Variants in PHACTR1 observed in about 807,000 individuals in gnomAD.
PHACTR1 encodes the protein phosphatase and actin regulator 1, also known as RPEL repeat containing 1.
In PHACTR1, 16 loss-of-function variants were observed where a neutral mutation model predicts 69.2. That is an observed-to-expected ratio of 0.23 (90% CI 0.16 to 0.35). The LOEUF (loss-of-function observed/expected upper bound fraction) is 0.35, where lower values mean the gene tolerates loss of function less well. Among genes scored for constraint, PHACTR1 ranks in the 10% least tolerant of loss-of-function variants. The pLI, the probability that PHACTR1 is intolerant of heterozygous loss-of-function variation, is 1.00. For synonymous variants in PHACTR1, 312 were observed against 284.5 expected, an observed-to-expected ratio of 1.10 and a Z score of -0.97; for missense variants, 510 against 734.7, an observed-to-expected ratio of 0.69 and a Z score of 3.54.
At chr6:12,995,684 A>C (rs1797344877) in intron 4 of PHACTR1, among the ~76,000 whole-genome samples, 1 of 152,034 alleles carries the variant, frequency 6.6e-6, no homozygotes, top group Admixed American at 6.6e-5. Flanking sequence ...TAATAATGAT[A>C]AAGGGAATAT....
chr6:12,976,656 C>A (rs987784294), intron 4 of PHACTR1, among the ~76,000 whole-genome samples: 3 of 152,104 alleles, frequency 2.0e-5, no homozygotes, highest in African/African-American at 7.2e-5. Flanking sequence ...AATTTCACTC[C>A]GTTCTGATAT....
chr6:13,092,696 A>G (rs547794359), intron 5 of PHACTR1, among the ~76,000 whole-genome samples: 17 of 152,310 alleles, frequency 1.1e-4, no homozygotes, highest in African/African-American at 4.1e-4. Flanking sequence ...GTGATGGGAG[A>G]CAGTGAGGAA....
At chr6:13,052,402 G>A (rs1019451307) in intron 4 of PHACTR1, among the ~76,000 whole-genome samples, 1 of 152,272 alleles carries the variant, frequency 6.6e-6, no homozygotes, top group Middle Eastern at 3.4e-3. Flanking sequence ...AAGTGGTTTG[G>A]GATTTGCCAT....
At chr6:12,826,376 C>A (rs752715349) in intron 4 of PHACTR1, among the ~76,000 whole-genome samples, 1 of 152,100 alleles carries the variant, frequency 6.6e-6, no homozygotes, top group Non-Finnish European at 1.5e-5. Context: ...TTTTTAGATG[C>A]GGTTACATAA....
At chr6:12,858,809 C>CAT (rs1345967770) in intron 4 of PHACTR1, among the ~76,000 whole-genome samples, 2 of 24,762 alleles carry the variant, frequency 8.1e-5, no homozygotes, top group Non-Finnish European at 2.5e-4. Context: ...CACATACATA[C>CAT]ACACACACAC....
intron 4 of PHACTR1, among the ~76,000 whole-genome samples, chr6:12,888,237 C>A (rs538453646): frequency 2.6e-5 from 4 of 152,186 alleles, no homozygotes; most frequent in Admixed American, 2.6e-4. Flanking sequence ...AGCGTTCATT[C>A]ATCCCCTTTT....
In PHACTR1 at chr6:13,206,116, G is replaced by A; in HGVS notation, c.966G>A (p.Met322Ile). 1 of 1,602,572 alleles carries A rather than the reference G, an allele frequency of 6.2e-7. No individual in the cohort carries two copies. Among genetic ancestry groups the A allele is most frequent in the Non-Finnish European group, 8.5e-7 (1 of 1,173,132 alleles). The stretch of plus-strand genomic sequence containing the variant: ...ACGAGCTCAACAAAACGCTGGCCAT[G>A]ACCATGCAGAGGCTGGAAAGGTAAA... ...MIDELNKTLA[M>I]TMQRLESSEQ... The change falls in exon 8 of 15, where the codon ATG (methionine) becomes ATA (isoleucine). Residue 322 changes from methionine (M) to isoleucine (I), a missense_variant. This residue lies in a region of PHACTR1 where 419 missense variants were observed against 530.9 expected (regional missense o/e 0.79). Transcript: ENST00000332995.
At chr6:13,035,160 C>T (rs1451425117) in intron 4 of PHACTR1, among the ~76,000 whole-genome samples, 1 of 152,086 alleles carries the variant, frequency 6.6e-6, no homozygotes, top group East Asian at 1.9e-4. Context: ...TTTTATATTC[C>T]CTAGACAAAA....
intron 4 of PHACTR1, among the ~76,000 whole-genome samples, chr6:12,916,439 T>C (rs1341472458): frequency 6.6e-6 from 1 of 152,202 alleles, no homozygotes. Context: ...CTAGTTATTT[T>C]TCTCTCTCTG....
At chr6:13,032,661 G>A (rs931318351) in intron 4 of PHACTR1, among the ~76,000 whole-genome samples, 1 of 151,918 alleles carries the variant, frequency 6.6e-6, no homozygotes, top group African/African-American at 2.4e-5. Flanking sequence ...TCTGTTGCCA[G>A]GCTGGAATGC....
chr6:12,992,624 T>G (rs1448161242), intron 4 of PHACTR1, among the ~76,000 whole-genome samples: 1 of 152,212 alleles, frequency 6.6e-6, no homozygotes, highest in Non-Finnish European at 1.5e-5. Context: ...TACCAAATAT[T>G]GAAGCGGTGC....
chr6:12,763,001 G>T (rs780245782), intron 4 of PHACTR1, among the ~76,000 whole-genome samples: 3 of 152,120 alleles, frequency 2.0e-5, no homozygotes, highest in Non-Finnish European at 2.9e-5. Context: ...ATCACCTGAG[G>T]TTAGGAGTTC....
intron 13 of PHACTR1, chr6:13,284,054 A>G (rs1780924939): frequency 6.5e-6 from 1 of 154,540 alleles, no homozygotes; most frequent in Non-Finnish European, 1.4e-5. Context: ...TAGAAAACAA[A>G]AAGAATAATC....
chr6:12,887,501 A>G (rs1409733005), intron 4 of PHACTR1, among the ~76,000 whole-genome samples: 2 of 152,070 alleles, frequency 1.3e-5, no homozygotes, highest in African/African-American at 2.4e-5. Flanking sequence ...GACCCTTATC[A>G]TCTAGCAGCG....
intron 4 of PHACTR1, among the ~76,000 whole-genome samples, chr6:12,940,073 T>C (rs1789910719): frequency 6.6e-6 from 1 of 152,196 alleles, no homozygotes; most frequent in Non-Finnish European, 1.5e-5. Flanking sequence ...TCCCCCCTGC[T>C]GTTAGTTTAA....
intron 5 of PHACTR1, among the ~76,000 whole-genome samples, chr6:13,116,263 A>T (rs936888762): frequency 6.6e-6 from 1 of 152,236 alleles, no homozygotes; most frequent in African/African-American, 2.4e-5. Flanking sequence ...GCATGGTGTG[A>T]TGTCCCACAG....
intron 3 of PHACTR1, among the ~76,000 whole-genome samples, chr6:12,747,068 G>A (rs1014053611): frequency 3.9e-5 from 6 of 152,136 alleles, no homozygotes; most frequent in African/African-American, 1.2e-4. Flanking sequence ...ATAGGACTCC[G>A]CTGCGCCTCT....
At chr6:12,899,145 T>C (rs1434725672) in intron 4 of PHACTR1, among the ~76,000 whole-genome samples, 2 of 152,200 alleles carry the variant, frequency 1.3e-5, no homozygotes, top group African/African-American at 4.8e-5. Context: ...CTGAAATTGC[T>C]GCTTGTCTGT....
chr6:12,967,413 G>A (rs4715023), intron 4 of PHACTR1, among the ~76,000 whole-genome samples: 71,146 of 152,030 alleles, frequency 0.47, 18,220 homozygotes, highest in African/African-American at 0.67. Context: ...GTAGGTAAGT[G>A]GAAAAGAGTT....
Sources: gnomAD v4.1 joint callset for allele counts (sites outside exome capture counted in the v4.1 genomes callset) on GRCh38, gnomAD v4.1.1 for gene constraint, gnomAD v4.1.1 regional missense constraint, MANE v1.5 for transcripts, NCBI Gene and HGNC (gene_info 2026-07-23, HGNC 2026-07-21) for gene names.